NAA35: variants seen among roughly 807,000 people sequenced by gnomAD.
NAA35 encodes N-alpha-acetyltransferase 35, NatC auxiliary subunit.
NAA35 carries 18 observed loss-of-function variants against 101.7 expected under a neutral mutation model. The ratio of observed to expected loss-of-function variants is 0.18; its 90% confidence interval spans 0.12 to 0.26. The LOEUF (loss-of-function observed/expected upper bound fraction) is 0.26. Among genes scored for constraint, NAA35 ranks in the 10% least tolerant of loss-of-function variants. The pLI, the probability that NAA35 is intolerant of heterozygous loss-of-function variation, is 1.00. For synonymous variants in NAA35, 267 were observed against 273.1 expected (o/e 0.98, Z 0.22); for missense variants, 601 against 886.8 (o/e 0.68, Z 4.09).
In NAA35 at chr9:85,975,098, T is replaced by A. The variant is rs550791998; in HGVS notation, c.584-16T>A. ...TTCATATGTTTCCTTTTAAAACTTA[T>A]TGTTTCTTTTTCTAGGCATGCTAAA... is the stretch of plus-strand genomic sequence containing the variant. On this transcript the variant is annotated splice_polypyrimidine_tract_variant and intron_variant, in intron 7 of 22. Transcript: ENST00000361671. 1.2e-6 allele frequency: 2 copies of A among 1,613,180 alleles called. No individual in the cohort carries two copies. Among genetic ancestry groups the A allele is most frequent in the Non-Finnish European group, 1.7e-6 (2 of 1,179,576 alleles).
chr9:86,021,113 T>G, intron 22 of NAA35, 144 bp downstream of exon 22: 2 of 556,454 alleles, frequency 3.6e-6, no homozygotes, highest in Non-Finnish European at 6.1e-6. Context: ...AGCAAAAAAT[T>G]AGAGCTTGCC....
At chr9:85,978,800 C>A (rs139308784) in intron 11 of NAA35, among the ~76,000 whole-genome samples, 7 of 151,860 alleles carry the variant, frequency 4.6e-5, no homozygotes, top group Non-Finnish European at 1.0e-4. Context: ...AATAGTTTGG[C>A]GGGCAGTGGG....
At chr9:85,968,093 G>C (rs1056240034) in intron 6 of NAA35, among the ~76,000 whole-genome samples, 1 of 152,008 alleles carries the variant, frequency 6.6e-6, no homozygotes, top group African/African-American at 2.4e-5. Flanking sequence ...CCTTGAATCG[G>C]GGCACTGTTT....
chr9:85,941,687 G>T, intron 1 of NAA35: 1 of 986,354 alleles, frequency 1.0e-6, no homozygotes. Context: ...GTTCTGCCTG[G>T]GTCCGGGCCG....
At chr9:86,002,306 G>T (rs1831450085) in intron 12 of NAA35, among the ~76,000 whole-genome samples, 2 of 152,020 alleles carry the variant, frequency 1.3e-5, no homozygotes, top group African/African-American at 4.8e-5. Context: ...TTTCATTTCG[G>T]CTTTGGAAAA....
chr9:86,003,701 GT>G, intron 13 of NAA35, 57 bp downstream of exon 13: 1 of 1,004,778 alleles, frequency 1.0e-6, no homozygotes, highest in Non-Finnish European at 1.5e-6. Flanking sequence ...TATTGACATT[GT>G]TTTATTGATT....
chr9:86,024,747 T>TAAAG lies in NAA35; in HGVS notation c.*2789_*2792dup, dbSNP rs1340298484. On this transcript the variant is annotated 3_prime_UTR_variant, in exon 23 of 23. Transcript: ENST00000361671. The stretch of plus-strand genomic sequence containing the variant: ...GCAAGGTAGGAGACCAGGTTTGGGA[T>TAAAG]AAAGATTGCTTTAGACATTGAGATA... Among the ~76,000 whole-genome samples, 1 of 152,178 alleles carries TAAAG rather than the reference T, an allele frequency of 6.6e-6. No individual in the cohort carries two copies. Among genetic ancestry groups the TAAAG allele is most frequent in the African/African-American group, 2.4e-5 (1 of 41,454 alleles).
At chr9:85,944,394 G>C in intron 2 of NAA35, among the ~76,000 whole-genome samples, 1 of 152,192 alleles carries the variant, frequency 6.6e-6, no homozygotes, top group East Asian at 1.9e-4. Flanking sequence ...ATTTATGATG[G>C]ATTAGGATGA....
In NAA35 at chr9:85,966,668, G is replaced by C; in HGVS notation, c.516+4488G>C. On this transcript the variant is annotated intron_variant, in intron 6 of 22. Coordinates refer to ENST00000361671, the MANE Select transcript of NAA35 (RefSeq NM_024635.4). ...AAATGAAAATGTTCAATGTTGGAAG[G>C]AATGCAGTAAGTTGACACTTCTGTT... 2 of 1,288,960 alleles carry C rather than the reference G, an allele frequency of 1.6e-6. 1 individual carries two copies. Among genetic ancestry groups the C allele is most frequent in the South Asian group, 2.5e-5 (2 of 79,706 alleles). The allele number at this position is 1,288,960 out of a possible 1,614,324, so 79.8% of individuals were successfully genotyped here.
rs1159234578 is a variant in NAA35 at position 86,012,703 on chromosome 9, T to A, written c.1291-343T>A. ...TAATTATTAGGCATTCTGACATATT[T>A]ATAGCAGCACAGGAATGTCAGCCTT... is the stretch of plus-strand genomic sequence containing the variant. On this transcript the variant is annotated intron_variant, in intron 15 of 22. Coordinates refer to ENST00000361671, the MANE Select transcript of NAA35 (RefSeq NM_024635.4). 3.3e-5 allele frequency among the ~76,000 whole-genome samples: 5 copies of A among 152,312 alleles called. No individual in the cohort carries two copies. In the East Asian group the frequency reaches 9.7e-4, roughly 29 times the overall value.
At chr9:86,016,416 C>T (rs1832226520) in intron 17 of NAA35, 123 bp from the exon 18 acceptor site, 1 of 748,072 alleles carries the variant, frequency 1.3e-6, no homozygotes, top group Non-Finnish European at 2.1e-6. Flanking sequence ...AATCTATTAT[C>T]TAATGAATGA....
At chr9:85,979,194 C>T (rs946759770) in intron 11 of NAA35, among the ~76,000 whole-genome samples, 8 of 152,252 alleles carry the variant, frequency 5.3e-5, no homozygotes, top group Admixed American at 3.9e-4. Context: ...CACGAGAGTA[C>T]GCTAAGCAAA....
At chr9:85,946,817 TTTA>T (rs1828785117) in intron 2 of NAA35, among the ~76,000 whole-genome samples, 1 of 152,162 alleles carries the variant, frequency 6.6e-6, no homozygotes, top group African/African-American at 2.4e-5. Context: ...GTAGTCAGTC[TTTA>T]TTATTAGCAC....
At chr9:86,008,214 C>T (rs1831734908) in intron 14 of NAA35, among the ~76,000 whole-genome samples, 1 of 152,214 alleles carries the variant, frequency 6.6e-6, no homozygotes, top group African/African-American at 2.4e-5. Context: ...GGGTGCATGT[C>T]ACCATGCCCA....
rs747834825 is a variant in NAA35 at position 85,966,352 on chromosome 9, TAAAG to T, written c.516+4174_516+4177del. Reference sequence around the variant, plus strand: ...GTGATAGAAAAACTTTTAGGAAAAATAAAGATACAAAGATAAGACAATTTTTATG... The same window carrying T: ...GTGATAGAAAAACTTTTAGGAAAAATATACAAAGATAAGACAATTTTTATG... On this transcript the variant is annotated intron_variant, in intron 6 of 22. Transcript: ENST00000361671. Among the ~76,000 whole-genome samples, 61 of 152,112 alleles carry T rather than the reference TAAAG, an allele frequency of 4.0e-4. 1 individual carries two copies. The highest frequency in any genetic ancestry group is 2.1e-4 in the South Asian group (1 of 4,832).
At chr9:85,984,024 CAAAAA>C (rs146695687) in intron 11 of NAA35, among the ~76,000 whole-genome samples, 1 of 103,050 alleles carries the variant, frequency 9.7e-6, no homozygotes. Context: ...AAAATAGAAG[CAAAAA>C]AAAAAAAAAA....
Position 86,007,404 on chromosome 9 carries a change from T to C in NAA35, c.1163T>C (p.Met388Thr). 1 of 1,613,994 alleles carries C rather than the reference T, an allele frequency of 6.2e-7. No individual in the cohort carries two copies. The highest frequency in any genetic ancestry group is 2.2e-5 in the East Asian group (1 of 44,860). Reference protein sequence around the residue: ...DNKKVFGTHLMQDMVKDALRS... With the variant: ...DNKKVFGTHLTQDMVKDALRS... Reference sequence around the variant, plus strand: ...AAAAAGGTCTTTGGAACTCATCTCATGCAAGACATGGTGAAAGATGCACTT... The same window carrying C: ...AAAAAGGTCTTTGGAACTCATCTCACGCAAGACATGGTGAAAGATGCACTT... The change falls in exon 14 of 23, where the codon ATG becomes ACG. Residue 388 changes from methionine (M) to threonine (T), a missense_variant. Transcript: ENST00000361671.
intron 9 of NAA35, 59 bp downstream of exon 9, chr9:85,976,794 GT>G: frequency 7.6e-7 from 1 of 1,319,820 alleles, no homozygotes; most frequent in Non-Finnish European, 1.1e-6. Flanking sequence ...TAATGTTGTA[GT>G]TTTATGAACT....
At chr9:85,982,668 G>GT (rs1830482419) in intron 11 of NAA35, among the ~76,000 whole-genome samples, 1 of 152,122 alleles carries the variant, frequency 6.6e-6, no homozygotes, top group South Asian at 2.1e-4. Flanking sequence ...CTAACACACA[G>GT]TTTCAAGAGG....
Sources: gnomAD v4.1 joint callset for allele counts (sites outside exome capture counted in the v4.1 genomes callset) on GRCh38, gnomAD v4.1.1 for gene constraint, MANE v1.5 for transcripts, NCBI Gene and HGNC (gene_info 2026-07-23, HGNC 2026-07-21) for gene names.